VSIG10L2: variants seen among roughly 807,000 people sequenced by gnomAD.
VSIG10L2 encodes the protein V-set and immunoglobulin domain-containing protein 10-like 2.
In VSIG10L2, 56 loss-of-function variants were observed where a neutral mutation model predicts 67.1. That is an observed-to-expected ratio of 0.83 (90% CI 0.67 to 1.04). The LOEUF is 1.04. VSIG10L2 is among the 50% of genes least tolerant of loss of function. VSIG10L2 has a pLI of 0.00. For synonymous variants in VSIG10L2, 360 were observed against 396.6 expected (o/e 0.91, Z 1.10); for missense variants, 843 against 932.8 (o/e 0.90, Z 1.25).
At chr11:125,947,393 C>T (rs1234136180) in intron 1 of VSIG10L2, 27 of 984,706 alleles carry the variant, frequency 2.7e-5, no homozygotes, top group Admixed American at 6.2e-5. Flanking sequence ...GTGACGTCCA[C>T]GAATCTGCCT....
rs571306127 is a variant in VSIG10L2, at chr11:125,953,271, C to T, written c.1496-129C>T. 2.8e-5 allele frequency: 21 copies of T among 748,290 alleles called. 1 individual carries two copies. The South Asian group carries it at 1.2e-3, about 43-fold the overall frequency. 46.4% of individuals were successfully genotyped at this position (748,290 alleles called of 1,614,324 possible). A position where few individuals can be genotyped will look rare whatever the true frequency, so the allele number is the denominator to read the frequency against. On this transcript the variant is annotated intron_variant, in intron 6 of 11. Transcript: ENST00000686984. ...GGAACCTGAAGAGAAGGCAGACTGGCCCCAGACAAGCCTCATTGTCAACTC... is the reference window on the plus strand; with the variant it reads ...GGAACCTGAAGAGAAGGCAGACTGGTCCCAGACAAGCCTCATTGTCAACTC...
At position 125,950,065 on chromosome 11, in the gene VSIG10L2, A is replaced by C; in HGVS notation, c.761A>C (p.Glu254Ala). The C allele has an allele frequency of 8.1e-7, 1 of 1,232,306 alleles. No individual in the cohort carries two copies. Among genetic ancestry groups the C allele is most frequent in the Admixed American group, 4.2e-5 (1 of 23,718 alleles). The allele number at this position is 1,232,306 out of a possible 1,614,324, so 76.3% of individuals were successfully genotyped here. Residue 254 changes from glutamate to alanine, a missense_variant, in exon 4 of 12, where the codon GAG (glutamate) becomes GCG (alanine). Glu to Ala is a moderately radical substitution (Grantham distance 107). Coordinates refer to ENST00000686984, the MANE Select transcript of VSIG10L2 (RefSeq NM_001365077.2). ...ITMEPLGLTE[E>A]GFWASEREEV... ...ATGGAGCCGCTGGGACTCACTGAGG[A>C]GGGCTTCTGGGCCAGTGAGAGGGAA...
Position 125,947,676 on chromosome 11 carries a change from C to T in VSIG10L2, c.83-10C>T, listed in dbSNP as rs1285219652. ...GCCCAGAAGTCCTGCTATGCCCCTT[C>T]TCTCCCCAGGCCAGCCCCACCCGAC... On this transcript the variant is annotated splice_polypyrimidine_tract_variant and intron_variant, in intron 1 of 11. Transcript: ENST00000686984. 1.4e-5 allele frequency: 17 copies of T among 1,232,408 alleles called. No homozygotes were observed. The South Asian group carries it at 3.7e-4, about 27-fold the overall frequency. The allele number at this position is 1,232,408 out of a possible 1,614,324, so 76.3% of individuals were successfully genotyped here.
Position 125,953,445 on chromosome 11 carries a change from A to AG in VSIG10L2, c.1547dup (p.Glu517ArgfsTer39), listed in dbSNP as rs998926190. The AG allele has an allele frequency of 8.1e-6, 10 of 1,232,066 alleles. No homozygotes were observed. Among genetic ancestry groups the AG allele is most frequent in the African/African-American group, 6.2e-5 (4 of 64,350 alleles). 76.3% of individuals were successfully genotyped at this position (1,232,066 alleles called of 1,614,324 possible). On this transcript the variant is annotated frameshift_variant, in exon 7 of 12. Coordinates refer to ENST00000686984, the MANE Select transcript of VSIG10L2 (RefSeq NM_001365077.2). LOFTEE classifies it high-confidence loss of function. ...GCTGAGCCCCGCGTGTCAGTGTTGG[A>AG]GGGGGGAGAGGCCTGGCTGGAGTGC...
chr11:125,946,211 A>T lies in VSIG10L2; in HGVS notation c.82+74A>T, dbSNP rs1945301870. The T allele has an allele frequency of 2.5e-6, 1 of 398,652 alleles. No individual in the cohort carries two copies. The highest frequency in any genetic ancestry group is 4.4e-6 in the Non-Finnish European group (1 of 226,054). The allele number at this position is 398,652 out of a possible 1,614,324, so 24.7% of individuals were successfully genotyped here. ...CATTATTCCTGCCACTTCCTGGGGG[A>T]TCCTCCTTTTGCACTCCATTCCATG... On this transcript the variant is annotated intron_variant, in intron 1 of 11. Transcript: ENST00000686984. This position sits in a 1 kb window ranked among gnomAD's most constrained non-coding sequence, Gnocchi z 4.4.
chr11:125,951,203 A>T, intron 5 of VSIG10L2, 45 bp downstream of exon 5: 1 of 1,232,484 alleles, frequency 8.1e-7, no homozygotes, highest in African/African-American at 1.5e-5. Context: ...TTCCAGGCAG[A>T]GTGTGGGTAG....
chr11:125,947,563 T>C, intron 1 of VSIG10L2, 123 bp from the exon 2 acceptor site: 1 of 1,230,912 alleles, frequency 8.1e-7, no homozygotes, highest in Non-Finnish European at 1.0e-6. Flanking sequence ...TTATGTGGTC[T>C]TCCTGAACCC....
In VSIG10L2 at chr11:125,950,040, A is replaced by T. The variant is rs1945345040; in HGVS notation, c.736A>T (p.Met246Leu). The change falls in exon 4 of 12, where the codon ATG becomes TTG. Residue 246 changes from methionine to leucine, a missense_variant. This residue lies in a region of VSIG10L2 where 446 missense variants were observed against 548.4 expected (regional missense o/e 0.81). Coordinates refer to ENST00000686984, the MANE Select transcript of VSIG10L2 (RefSeq NM_001365077.2). ...TGGTCCTGACAAGCCTGTGATCACC[A>T]TGGAGCCGCTGGGACTCACTGAGGA... Reference protein sequence around the residue: ...IYGPDKPVITMEPLGLTEEGF... With the variant: ...IYGPDKPVITLEPLGLTEEGF... The T allele has an allele frequency of 8.1e-7, 1 of 1,232,340 alleles. No individual in the cohort carries two copies. 76.3% of individuals were successfully genotyped at this position (1,232,340 alleles called of 1,614,324 possible).
Position 125,947,773 on chromosome 11 carries a change from G to T in VSIG10L2, c.170G>T (p.Gly57Val). ...VRGGSVELAC[G>V]SGPAPLLVLW... ...GGTGGCTCCGTGGAGCTGGCCTGTG[G>T]CTCAGGGCCTGCCCCGCTGCTGGTC... Residue 57 changes from glycine (G) to valine (V), a missense_variant, in exon 2 of 12, where the codon GGC becomes GTC. This residue lies in a region of VSIG10L2 where 446 missense variants were observed against 548.4 expected (regional missense o/e 0.81). Transcript: ENST00000686984. 1.6e-6 allele frequency: 2 copies of T among 1,232,552 alleles called. No individual in the cohort carries two copies. The highest frequency in any genetic ancestry group is 2.0e-6 in the Non-Finnish European group (2 of 988,318). The allele number at this position is 1,232,552 out of a possible 1,614,324, so 76.4% of individuals were successfully genotyped here.
chr11:125,951,700 A>G, intron 5 of VSIG10L2, 113 bp from the exon 6 acceptor site: 1 of 1,118,008 alleles, frequency 8.9e-7, no homozygotes, highest in East Asian at 2.6e-5. Context: ...AGTGAGTGAC[A>G]AAGTAATGAA....
In VSIG10L2 at chr11:125,947,737, A is replaced by C; in HGVS notation, c.134A>C (p.Gln45Pro). The C allele has an allele frequency of 4.1e-6, 5 of 1,232,186 alleles. No individual in the cohort carries two copies. The highest frequency in any genetic ancestry group is 3.0e-6 in the Non-Finnish European group (3 of 988,146). 76.3% of individuals were successfully genotyped at this position (1,232,186 alleles called of 1,614,324 possible). ...EAPVEEVVSV[Q>P]GVRGGSVELA... The stretch of plus-strand genomic sequence containing the variant: ...CCTGTAGAGGAGGTGGTGTCTGTCC[A>C]GGGAGTGCGAGGTGGCTCCGTGGAG... The change falls in exon 2 of 12, where the codon CAG (glutamine) becomes CCG (proline). Residue 45 changes from glutamine (Q) to proline (P), a missense_variant. This residue lies in a region of VSIG10L2 where 446 missense variants were observed against 548.4 expected (regional missense o/e 0.81). Transcript: ENST00000686984.
rs1325516028 is a variant in VSIG10L2, at chr11:125,955,675, C to A, written c.2284+8C>A. 3 of 1,533,656 alleles carry A rather than the reference C, an allele frequency of 2.0e-6. No homozygotes were observed. In the Admixed American group the frequency reaches 5.9e-5, roughly 30 times the overall value. The stretch of plus-strand genomic sequence containing the variant: ...ATGCTGAGGCACCGGCAGGTAAGCA[C>A]CTTATCCAGAAAAAGACGACTCGTG... On this transcript the variant is annotated splice_region_variant and intron_variant, in intron 11 of 11. Transcript: ENST00000686984.
In VSIG10L2 at chr11:125,955,993, A is replaced by G. The variant is rs1322124703; in HGVS notation, c.*79A>G. 5 of 645,466 alleles carry G rather than the reference A, an allele frequency of 7.7e-6. No homozygotes were observed. The African/African-American group carries it at 9.1e-5, about 12-fold the overall frequency. The allele number at this position is 645,466 out of a possible 1,614,324, so 40.0% of individuals were successfully genotyped here. ...AGAGCCCTTCTGTCAGACTTTGGTC[A>G]TAAAACCAACGTAGCTAAGACACCA... On this transcript the variant is annotated 3_prime_UTR_variant, in exon 12 of 12. Coordinates refer to ENST00000686984, the MANE Select transcript of VSIG10L2 (RefSeq NM_001365077.2).
chr11:125,952,089 C>G lies in VSIG10L2; in HGVS notation c.1495+16C>G. ...CTCCAGCTGGGTGAGTAGGGGCTAG[C>G]GAGTTTGTTCTGGGGCTGGGACAGG... On this transcript the variant is annotated intron_variant, in intron 6 of 11. Coordinates refer to ENST00000686984, the MANE Select transcript of VSIG10L2 (RefSeq NM_001365077.2). 1.3e-6 allele frequency: 2 copies of G among 1,522,932 alleles called. No individual in the cohort carries two copies. The highest frequency in any genetic ancestry group is 1.8e-6 in the Non-Finnish European group (2 of 1,137,770). The allele number at this position is 1,522,932 out of a possible 1,614,324, so 94.3% of individuals were successfully genotyped here.
At chr11:125,954,467 T>C in intron 8 of VSIG10L2, 84 bp downstream of exon 8, 1 of 1,125,876 alleles carries the variant, frequency 8.9e-7, no homozygotes, top group Non-Finnish European at 1.1e-6. Context: ...GGGCATCCCC[T>C]CCTCTCTTCC....
In VSIG10L2 at chr11:125,951,986, GC is replaced by G. The variant is rs1945381316; in HGVS notation, c.1411del (p.Gln471LysfsTer125). On this transcript the variant is annotated frameshift_variant, in exon 6 of 12. Coordinates refer to ENST00000686984, the MANE Select transcript of VSIG10L2 (RefSeq NM_001365077.2). LOFTEE classifies it high-confidence loss of function. ...CTCGATGGCCGTTCACCTCCTGCAG[GC>G]CCAAGAAGATCTGGCTGGCAGAGAG... ...SSSMAVHLLQAQEDLAGREFT... is the reference protein window; with the variant it reads ...SSSMAVHLLQXQEDLAGREFT... The G allele has an allele frequency of 6.5e-7, 1 of 1,536,060 alleles. No homozygotes were observed. Among genetic ancestry groups the G allele is most frequent in the Non-Finnish European group, 8.7e-7 (1 of 1,146,846 alleles).
At chr11:125,950,649 G>C (rs1945355402) in intron 4 of VSIG10L2, among the ~76,000 whole-genome samples, 1 of 152,138 alleles carries the variant, frequency 6.6e-6, no homozygotes, top group Non-Finnish European at 1.5e-5. Flanking sequence ...ACGAGAATGG[G>C]AGATAGGGCC....
intron 9 of VSIG10L2, 106 bp downstream of exon 9, chr11:125,955,285 T>C (rs1945445789): frequency 7.7e-7 from 1 of 1,293,418 alleles, no homozygotes; most frequent in Non-Finnish European, 9.9e-7. Flanking sequence ...GAATCTAGGC[T>C]CTTCCTTAAT....
At chr11:125,947,603 A>G in intron 1 of VSIG10L2, 83 bp from the exon 2 acceptor site, 1 of 1,231,690 alleles carries the variant, frequency 8.1e-7, no homozygotes, top group East Asian at 3.2e-5. Context: ...TGCAGAACCA[A>G]AAAGAGAGGC....
Sources: gnomAD v4.1 joint callset for allele counts (sites outside exome capture counted in the v4.1 genomes callset) on GRCh38, gnomAD v4.1.1 for gene constraint, gnomAD v4.1.1 regional missense constraint, Gnocchi (gnomAD v3.1) non-coding constraint, MANE v1.5 for transcripts, NCBI Gene and HGNC (gene_info 2026-07-23, HGNC 2026-07-21) for gene names.